The following PTPRD variants were observed in gnomAD, a reference collection of about 807,000 sequenced individuals.
PTPRD encodes the protein receptor-type tyrosine-protein phosphatase delta.
A neutral mutation model predicts 214.5 loss-of-function variants in PTPRD; 34 were observed. The observed-to-expected ratio is 0.16, with a 90% confidence interval of 0.12 to 0.21. The LOEUF (loss-of-function observed/expected upper bound fraction) is 0.21, where lower values mean the gene tolerates loss of function less well. Ranked by LOEUF, PTPRD falls within the 10% of genes least tolerant of loss-of-function variation. The pLI is 1.00. For synonymous variants in PTPRD, 1,128 were observed against 845.7 expected, an observed-to-expected ratio of 1.33 and a Z score of -5.79; for missense variants, 2,545 against 2,398.7, an observed-to-expected ratio of 1.06 and a Z score of -1.27.
chr9:9,476,352 C>T (rs748343971), intron 8 of PTPRD, among the ~76,000 whole-genome samples: 1 of 152,104 alleles, frequency 6.6e-6, no homozygotes, highest in Admixed American at 6.6e-5. Context: ...ACAAATCTAG[C>T]CAGGGGCCTA....
intron 14 of PTPRD, among the ~76,000 whole-genome samples, chr9:8,577,285 G>A (rs551033548): frequency 3.6e-4 from 54 of 151,824 alleles, no homozygotes; most frequent in Non-Finnish European, 5.6e-4. Flanking sequence ...ATGGAGTTTC[G>A]CTCTTGTTGC....
intron 11 of PTPRD, among the ~76,000 whole-genome samples, chr9:8,912,845 G>T (rs1288677217): frequency 1.3e-5 from 2 of 152,002 alleles, no homozygotes; most frequent in Non-Finnish European, 2.9e-5. Flanking sequence ...CTAAACCTCA[G>T]GTTCCTAAAT....
chr9:9,679,454 A>G (rs1303230078), intron 7 of PTPRD, among the ~76,000 whole-genome samples: 1 of 151,924 alleles, frequency 6.6e-6, no homozygotes, highest in Non-Finnish European at 1.5e-5. Flanking sequence ...TAAATTAGAG[A>G]CCATGTGGCA....
chr9:8,851,133 T>C (rs1319838387), intron 11 of PTPRD, among the ~76,000 whole-genome samples: 1 of 151,268 alleles, frequency 6.6e-6, no homozygotes, highest in African/African-American at 2.4e-5. Context: ...TGAAACCTGA[T>C]ACTTCAGGGA....
intron 5 of PTPRD, among the ~76,000 whole-genome samples, chr9:9,875,331 T>A (rs1458742426): frequency 6.6e-6 from 1 of 152,190 alleles, no homozygotes; most frequent in South Asian, 2.1e-4. Flanking sequence ...AGTTTTATTG[T>A]ACAGTACCCT....
At chr9:9,618,028 C>G (rs569198868) in intron 7 of PTPRD, among the ~76,000 whole-genome samples, 105 of 128,452 alleles carry the variant, frequency 8.2e-4, no homozygotes, top group African/African-American at 3.1e-3. Flanking sequence ...GCCCAGATCG[C>G]GCCACTGCAC....
chr9:8,797,556 G>C (rs1241154414), intron 11 of PTPRD, among the ~76,000 whole-genome samples: 1 of 152,140 alleles, frequency 6.6e-6, no homozygotes, highest in Non-Finnish European at 1.5e-5. Flanking sequence ...CCTTACCACA[G>C]GGTTCTATCT....
intron 9 of PTPRD, among the ~76,000 whole-genome samples, chr9:9,286,691 A>C (rs1025595070): frequency 6.6e-6 from 1 of 150,378 alleles, no homozygotes; most frequent in Non-Finnish European, 1.5e-5. Context: ...CTTGTCTTTC[A>C]TTTGAATCCT....
chr9:8,486,981 T>C (rs1460247925), intron 27 of PTPRD, among the ~76,000 whole-genome samples: 1 of 148,636 alleles, frequency 6.7e-6, no homozygotes, highest in African/African-American at 2.4e-5. Context: ...TGCTGCTATG[T>C]TGCTTAAAAG....
chr9:9,890,709 G>T (rs981828702), intron 5 of PTPRD, among the ~76,000 whole-genome samples: 7 of 151,968 alleles, frequency 4.6e-5, no homozygotes, highest in African/African-American at 1.2e-4. Context: ...AGGGAAGCAG[G>T]AAGTTACTGG....
intron 2 of PTPRD, among the ~76,000 whole-genome samples, chr9:10,409,345 C>T (rs998850704): frequency 2.6e-5 from 4 of 151,706 alleles, no homozygotes; most frequent in Non-Finnish European, 5.9e-5. Flanking sequence ...CTTTAATAAG[C>T]TGATATCCTT....
At chr9:9,507,235 A>G (rs1446876820) in intron 8 of PTPRD, among the ~76,000 whole-genome samples, 1 of 151,296 alleles carries the variant, frequency 6.6e-6, no homozygotes, top group Admixed American at 6.6e-5. Context: ...AGAAGCAAGG[A>G]TATACAATAT....
intron 40 of PTPRD, 128 bp from the exon 41 acceptor site, chr9:8,341,396 T>C (rs1336609875): frequency 9.8e-7 from 1 of 1,024,864 alleles, no homozygotes; most frequent in Admixed American, 2.7e-5. Context: ...TAAATGACTA[T>C]TCAAATTGTA....
chr9:9,283,073 C>G (rs909862999), intron 9 of PTPRD, among the ~76,000 whole-genome samples: 1 of 151,102 alleles, frequency 6.6e-6, no homozygotes, highest in African/African-American at 2.4e-5. Context: ...GTGTGATAAC[C>G]AAAAAAACTC....
chr9:9,804,316 C>T (rs551374765), intron 5 of PTPRD, among the ~76,000 whole-genome samples: 3 of 152,044 alleles, frequency 2.0e-5, no homozygotes, highest in Non-Finnish European at 4.4e-5. Flanking sequence ...CCCTAAAGCC[C>T]GCTTGGAAAT....
chr9:10,047,341 T>C lies in PTPRD; in HGVS notation c.-544-13551A>G, dbSNP rs577873377. On this transcript the variant is annotated intron_variant, in intron 3 of 45. Coordinates refer to ENST00000381196, the MANE Select transcript of PTPRD (RefSeq NM_002839.4). Reference sequence around the variant, plus strand: ...GTGTGTGTGTGTGTGTGTGTGTGCGTGTGTGTGTGTGCTTGTGTGATAATG... The same window carrying C: ...GTGTGTGTGTGTGTGTGTGTGTGCGCGTGTGTGTGTGCTTGTGTGATAATG... Among the ~76,000 whole-genome samples, 226 of 150,526 alleles carry C rather than the reference T, an allele frequency of 1.5e-3. 5 individuals are homozygous for C. In the East Asian group the frequency reaches 0.036, roughly 24 times the overall value.
intron 3 of PTPRD, among the ~76,000 whole-genome samples, chr9:10,299,470 G>T (rs2095795591): frequency 6.6e-6 from 1 of 152,134 alleles, no homozygotes; most frequent in Non-Finnish European, 1.5e-5. Context: ...ATAATCCTTA[G>T]ATGTAAATGG....
In PTPRD at chr9:10,612,922, G is replaced by T. The variant is rs2081367441; in HGVS notation, c.-942C>A. 6.6e-6 allele frequency among the ~76,000 whole-genome samples: 1 copy of T among 151,690 alleles called. No individual in the cohort carries two copies. Among genetic ancestry groups the T allele is most frequent in the Admixed American group, 6.6e-5 (1 of 15,214 alleles). On this transcript the variant is annotated 5_prime_UTR_variant, in exon 1 of 46. Coordinates refer to ENST00000381196, the MANE Select transcript of PTPRD (RefSeq NM_002839.4). ...CGCTCCGGCCGCCGGCTGCGGGCGC[G>T]GCTGGGCGGGGAGCCGAGGCGGCCG...
At chr9:10,314,577 G>C (rs1319351786) in intron 3 of PTPRD, among the ~76,000 whole-genome samples, 1 of 151,914 alleles carries the variant, frequency 6.6e-6, no homozygotes, top group Non-Finnish European at 1.5e-5. Context: ...AAGTTTGGGA[G>C]AGAGCTCAAG....
Sources: gnomAD v4.1 joint callset for allele counts (sites outside exome capture counted in the v4.1 genomes callset) on GRCh38, gnomAD v4.1.1 for gene constraint, MANE v1.5 for transcripts, NCBI Gene and HGNC (gene_info 2026-07-23, HGNC 2026-07-21) for gene names.